QTMAN: variants seen among roughly 807,000 people sequenced by gnomAD.
The protein encoded by QTMAN is tRNA-queuosine alpha-mannosyltransferase.
chr2:144,220,114 G>A, the QTMAN span, among the ~76,000 whole-genome samples: 1 of 152,174 alleles, frequency 6.6e-6, no homozygotes, highest in Non-Finnish European at 1.5e-5. Context: ...AAAAAGCTCA[G>A]AAACCCAGTT....
chr2:144,271,107 C>T, the QTMAN span, among the ~76,000 whole-genome samples: 2 of 152,310 alleles, frequency 1.3e-5, no homozygotes, highest in South Asian at 2.1e-4. Context: ...AACAAAACTA[C>T]ATAAATGTAC....
At chr2:144,295,018 T>C in the QTMAN span, among the ~76,000 whole-genome samples, 6 of 152,290 alleles carry the variant, frequency 3.9e-5, no homozygotes, top group East Asian at 7.7e-4. Context: ...AATAGATATA[T>C]AGAAGTCAAT....
chr2:144,266,238 G>A, the QTMAN span, among the ~76,000 whole-genome samples: 2 of 152,060 alleles, frequency 1.3e-5, no homozygotes, highest in African/African-American at 4.8e-5. Context: ...TTAATAAAGG[G>A]GTGTAAATAG....
the QTMAN span, among the ~76,000 whole-genome samples, chr2:144,013,176 A>G: frequency 1.3e-5 from 2 of 152,168 alleles, no homozygotes; most frequent in Non-Finnish European, 1.5e-5. Flanking sequence ...ATGTTACTAT[A>G]TATTATAAAT....
At chr2:144,097,692 C>A in the QTMAN span, among the ~76,000 whole-genome samples, 1 of 152,150 alleles carries the variant, frequency 6.6e-6, no homozygotes, top group East Asian at 1.9e-4. Flanking sequence ...AAAATACTCT[C>A]CCCACTGCCC....
the QTMAN span, among the ~76,000 whole-genome samples, chr2:143,975,773 C>G: frequency 6.6e-6 from 1 of 152,154 alleles, no homozygotes; most frequent in Admixed American, 6.5e-5. Flanking sequence ...TGGGTTGCCA[C>G]ATGGAGGAGA....
At chr2:144,097,624 T>C in the QTMAN span, among the ~76,000 whole-genome samples, 1 of 152,290 alleles carries the variant, frequency 6.6e-6, no homozygotes, top group East Asian at 1.9e-4. Context: ...ACCACTGCAA[T>C]AATATAGGTG....
At chr2:144,157,941 A>G in the QTMAN span, among the ~76,000 whole-genome samples, 1 of 151,986 alleles carries the variant, frequency 6.6e-6, no homozygotes, top group African/African-American at 2.4e-5. Flanking sequence ...CTGACGTTCT[A>G]TGAGAGTCAA....
chr2:144,207,669 G>T, the QTMAN span, among the ~76,000 whole-genome samples: 15 of 151,848 alleles, frequency 9.9e-5, no homozygotes, highest in East Asian at 2.7e-3. Flanking sequence ...AACCACCATA[G>T]GATAGTCTTC....
the QTMAN span, among the ~76,000 whole-genome samples, chr2:144,309,330 G>A: frequency 1.3e-5 from 2 of 151,816 alleles, no homozygotes; most frequent in Admixed American, 6.5e-5. Flanking sequence ...TCATGGTAGT[G>A]TCATTCACTA....
the QTMAN span, chr2:143,963,986 A>C: frequency 6.6e-6 from 1 of 152,134 alleles, no homozygotes; most frequent in African/African-American, 2.4e-5. Flanking sequence ...TGCTACTAAA[A>C]TGGAGCTAAT....
At chr2:144,254,937 T>C in the QTMAN span, among the ~76,000 whole-genome samples, 6 of 152,364 alleles carry the variant, frequency 3.9e-5, no homozygotes, top group East Asian at 1.2e-3. Context: ...CCCCTTTGTT[T>C]TGGCCAGTTT....
chr2:144,057,691 A>G, the QTMAN span, among the ~76,000 whole-genome samples: 1 of 152,176 alleles, frequency 6.6e-6, no homozygotes, highest in Non-Finnish European at 1.5e-5. Context: ...TCTTCCAAGT[A>G]TTTATGATTT....
the QTMAN span, among the ~76,000 whole-genome samples, chr2:144,109,702 AAAAC>A: frequency 6.6e-6 from 1 of 152,120 alleles, no homozygotes; most frequent in Non-Finnish European, 1.5e-5. Flanking sequence ...CAAGAAAAAA[AAAAC>A]AACCCCACCA....
the QTMAN span, among the ~76,000 whole-genome samples, chr2:143,979,077 TAAAACCATGTTCTAAAGTGTTCAATCTC>T: frequency 6.6e-6 from 1 of 152,002 alleles, no homozygotes; most frequent in Non-Finnish European, 1.5e-5. Context: ...CCAGGGAGCT[TAAAACCATGTTCTAAAGTGTTCAATCTC>T]AGCAAGTATT....
the QTMAN span, among the ~76,000 whole-genome samples, chr2:144,321,899 G>C: frequency 6.6e-6 from 1 of 152,088 alleles, no homozygotes; most frequent in African/African-American, 2.4e-5. Context: ...GAAGTAATCT[G>C]CCATGGTGAA....
chr2:144,207,614 T>C, the QTMAN span, among the ~76,000 whole-genome samples: 1 of 152,088 alleles, frequency 6.6e-6, no homozygotes, highest in African/African-American at 2.4e-5. Context: ...CACTTAAAGT[T>C]TTATATCATT....
the QTMAN span, among the ~76,000 whole-genome samples, chr2:144,287,264 G>GT: frequency 1.2e-4 from 19 of 152,114 alleles, no homozygotes; most frequent in Non-Finnish European, 1.0e-4. Flanking sequence ...GTGAAACCCC[G>GT]TCTCTACTAA....
chr2:144,216,751 T>C, the QTMAN span, among the ~76,000 whole-genome samples: 3 of 152,140 alleles, frequency 2.0e-5, no homozygotes, highest in Admixed American at 2.0e-4. Flanking sequence ...GAATAAGCAA[T>C]TGAATTCTAG....
Sources: gnomAD v4.1 joint callset for allele counts (sites outside exome capture counted in the v4.1 genomes callset) on GRCh38, gnomAD v4.1.1 for gene constraint, MANE v1.5 for transcripts, NCBI Gene and HGNC (gene_info 2026-07-23, HGNC 2026-07-21) for gene names.